The following KCNT1 variants were observed in gnomAD, a reference collection of about 807,000 sequenced individuals.
KCNT1 encodes potassium channel subfamily T member 1.
KCNT1 carries 78 observed loss-of-function variants against 147.8 expected under a neutral mutation model. The observed-to-expected ratio is 0.53, with a 90% CI of 0.44 to 0.64. The LOEUF (loss-of-function observed/expected upper bound fraction) is 0.64, where lower values mean the gene tolerates loss of function less well. Among genes scored for constraint, KCNT1 ranks in the 30% least tolerant of loss-of-function variants. KCNT1 has a pLI of 0.00. For synonymous variants in KCNT1, 867 were observed against 748.8 expected, an observed-to-expected ratio of 1.16 and a Z score of -2.58; for missense variants, 1,419 against 1,750.3, an observed-to-expected ratio of 0.81 and a Z score of 3.38.
intron 2 of KCNT1, among the ~76,000 whole-genome samples, chr9:135,732,034 A>G (rs1212712287): frequency 6.6e-5 from 9 of 135,544 alleles, no homozygotes; most frequent in Non-Finnish European, 1.3e-4. Flanking sequence ...AGAGAGAGAG[A>G]GAGAGAGGGA....
chr9:135,778,230 C>A (rs989552181), intron 21 of KCNT1, among the ~76,000 whole-genome samples, 194 bp from the exon 22 acceptor site: 1 of 152,232 alleles, frequency 6.6e-6, no homozygotes, highest in African/African-American at 2.4e-5. Context: ...CCCACCCTCC[C>A]GGGCCTTGGT....
At chr9:135,732,548 G>A (rs542893392) in intron 2 of KCNT1, among the ~76,000 whole-genome samples, 13 of 151,980 alleles carry the variant, frequency 8.6e-5, no homozygotes, top group Admixed American at 3.9e-4. Flanking sequence ...TGGGCTCTCC[G>A]CTTGCTTCTG....
intron 21 of KCNT1, among the ~76,000 whole-genome samples, chr9:135,777,850 T>C (rs1243908620): frequency 7.0e-6 from 1 of 142,508 alleles, no homozygotes; most frequent in African/African-American, 2.7e-5. Flanking sequence ...CCAGCTACTC[T>C]CCATTCCCAG....
intron 13 of KCNT1, among the ~76,000 whole-genome samples, chr9:135,766,041 A>C (rs1564363830): frequency 2.8e-5 from 4 of 143,272 alleles, no homozygotes; most frequent in Non-Finnish European, 4.6e-5. Context: ...GTGAACTGTC[A>C]AGGGTGGACC....
At chr9:135,737,040 G>A (rs1443109528) in intron 2 of KCNT1, 2 of 242,412 alleles carry the variant, frequency 8.3e-6, no homozygotes, top group East Asian at 1.4e-4. Flanking sequence ...GGGGAGGGAG[G>A]AAGTGGACCC....
chr9:135,719,617 A>C (rs1269409822), intron 2 of KCNT1, among the ~76,000 whole-genome samples: 1 of 152,190 alleles, frequency 6.6e-6, no homozygotes, highest in Non-Finnish European at 1.5e-5. Flanking sequence ...AGGCAACGTC[A>C]GGGTCGCCAA....
chr9:135,731,233 C>T lies in KCNT1; in HGVS notation c.254+16513C>T, dbSNP rs1362727586. ...AGATTTTCCACACTCTCGAACCTTC[C>T]CTGCCCTGAGTCAGTCATTCTCTGG... On this transcript the variant is annotated intron_variant, in intron 2 of 30. Transcript: ENST00000371757. 3.9e-5 allele frequency among the ~76,000 whole-genome samples: 6 copies of T among 152,102 alleles called. No homozygotes were observed. In the South Asian group the frequency reaches 1.0e-3, roughly 26 times the overall value.
chr9:135,716,001 G>A (rs1835706438), intron 2 of KCNT1, among the ~76,000 whole-genome samples: 1 of 152,200 alleles, frequency 6.6e-6, no homozygotes, highest in Non-Finnish European at 1.5e-5. Flanking sequence ...CAAATGCCCA[G>A]GTGAAGAGTT....
chr9:135,759,942 G>A, intron 11 of KCNT1, 83 bp downstream of exon 11: 1 of 1,334,442 alleles, frequency 7.5e-7, no homozygotes, highest in Non-Finnish European at 1.0e-6. Flanking sequence ...CACTGAGGCT[G>A]TGGCACAGTG....
chr9:135,739,575 C>G (rs1183657736), intron 2 of KCNT1, among the ~76,000 whole-genome samples: 2 of 152,144 alleles, frequency 1.3e-5, no homozygotes, highest in East Asian at 3.9e-4. Context: ...GGCGCCCCAC[C>G]CTCTTCATGG....
At chr9:135,723,840 A>C (rs1836022195) in intron 2 of KCNT1, among the ~76,000 whole-genome samples, 1 of 152,154 alleles carries the variant, frequency 6.6e-6, no homozygotes, top group Non-Finnish European at 1.5e-5. Flanking sequence ...CCCCCAGCCC[A>C]GCACAGGTAC....
In KCNT1 at chr9:135,728,624, G is replaced by A. The variant is rs577165962; in HGVS notation, c.254+13904G>A. 7.9e-5 allele frequency among the ~76,000 whole-genome samples: 12 copies of A among 152,348 alleles called. No individual in the cohort carries two copies. The East Asian group carries it at 1.2e-3, about 15-fold the overall frequency. On this transcript the variant is annotated intron_variant, in intron 2 of 30. Transcript: ENST00000371757. ...CATGCCCACGGAGGGGCAGAGAGCC[G>A]GGGGCCGGAGAGTGAGGGCCGCAGC... is the stretch of plus-strand genomic sequence containing the variant.
chr9:135,785,975 C>G, intron 28 of KCNT1: 1 of 572,452 alleles, frequency 1.7e-6, no homozygotes, highest in Non-Finnish European at 3.1e-6. Flanking sequence ...GTGGGTGGCC[C>G]GGCGATCTGT....
chr9:135,788,817 C>CT (rs1490298780), intron 29 of KCNT1, among the ~76,000 whole-genome samples: 1 of 152,200 alleles, frequency 6.6e-6, no homozygotes, highest in East Asian at 1.9e-4. Flanking sequence ...TGTGCCCCGT[C>CT]AGTGCTCAGC....
At position 135,779,805 on chromosome 9, in the gene KCNT1, G is replaced by A. The variant is rs193107410; in HGVS notation, c.2841+335G>A. The stretch of plus-strand genomic sequence containing the variant: ...GCATGGTCAGTTGGTCAGAACTCCC[G>A]TGGGGAGCCCTCAGATCGGTGGTTC... On this transcript the variant is annotated intron_variant, in intron 24 of 30. Coordinates refer to ENST00000371757, the MANE Select transcript of KCNT1 (RefSeq NM_020822.3). 1.7e-3 allele frequency among the ~76,000 whole-genome samples: 254 copies of A among 152,368 alleles called. 1 individual carries two copies. The highest frequency in any genetic ancestry group is 5.2e-3 in the East Asian group (27 of 5,184).
intron 28 of KCNT1, 156 bp downstream of exon 28, chr9:135,785,486 AC>A: frequency 1.1e-6 from 1 of 913,204 alleles, no homozygotes; most frequent in South Asian, 1.4e-5. Context: ...CGGCCCCAGC[AC>A]GGCTCAGAGA....
At position 135,784,783 on chromosome 9, in the gene KCNT1, T is replaced by G. The variant is rs1450164108; in HGVS notation, c.3050T>G (p.Leu1017Arg). The part of the protein sequence containing the change: ...LCAMKITEGD[L>R]WIRTYGRLFQ... ...CAGATGAAAATCACCGAGGGCGACC[T>G]GTGGATCCGCACGTACGGCCGCCTC... is the stretch of plus-strand genomic sequence containing the variant. The change falls in exon 27 of 31, where the codon CTG (leucine) becomes CGG (arginine). Residue 1017 changes from leucine to arginine, a missense_variant. Leu to Arg is a moderately radical substitution (Grantham distance 102). This residue lies in a region of KCNT1 where 247 missense variants were observed against 397.1 expected (regional missense o/e 0.62). Transcript: ENST00000371757. 1 of 1,612,550 alleles carries G rather than the reference T, an allele frequency of 6.2e-7. No individual in the cohort carries two copies. Among genetic ancestry groups the G allele is most frequent in the African/African-American group, 1.3e-5 (1 of 74,890 alleles).
At chr9:135,772,287 G>C (rs1438229970) in intron 18 of KCNT1, among the ~76,000 whole-genome samples, 1 of 152,170 alleles carries the variant, frequency 6.6e-6, no homozygotes, top group African/African-American at 2.4e-5. Flanking sequence ...TGGCAGCCTG[G>C]GGTGGTGCAG....
At chr9:135,791,432 A>G in intron 29 of KCNT1, 2 of 278,366 alleles carry the variant, frequency 7.2e-6, no homozygotes, top group Non-Finnish European at 1.4e-5. Context: ...TGAGGTGAAC[A>G]GACACGTCCC....
Sources: allele counts gnomAD v4.1 joint callset (sites outside exome capture counted in the v4.1 genomes callset), GRCh38; gene constraint gnomAD v4.1.1; regional missense constraint gnomAD v4.1.1; transcripts MANE v1.5; gene names NCBI Gene and HGNC (gene_info 2026-07-23, HGNC 2026-07-21).